SIRPD: variants seen among roughly 807,000 people sequenced by gnomAD.
The protein encoded by SIRPD is signal-regulatory protein delta.
A neutral mutation model predicts 18.0 loss-of-function variants in SIRPD; 21 were observed. That is an observed-to-expected ratio of 1.17 (90% CI 0.83 to 1.68). The LOEUF (loss-of-function observed/expected upper bound fraction) is 1.68, where lower values mean the gene tolerates loss of function less well. Ranked by LOEUF, SIRPD falls within the 40% of genes most tolerant of loss-of-function variation. The pLI, the probability that SIRPD is intolerant of heterozygous loss-of-function variation, is 0.00. For missense variants in SIRPD, 295 were observed against 238.4 expected (o/e 1.24, Z -1.56); for synonymous variants, 106 against 92.9 (o/e 1.14, Z -0.81).
intron 2 of SIRPD, 90 bp from the exon 3 acceptor site, chr20:1,537,400 G>A: frequency 7.2e-7 from 1 of 1,387,458 alleles, no homozygotes; most frequent in Non-Finnish European, 9.9e-7. Context: ...GACCGTTCCA[G>A]TTTCTAGATT....
intron 2 of SIRPD, among the ~76,000 whole-genome samples, chr20:1,538,005 A>G (rs6042846): frequency 1.2e-3 from 178 of 152,214 alleles, no homozygotes; most frequent in African/African-American, 4.1e-3. Flanking sequence ...TCTTGGGAGA[A>G]GGGAGTGGAG....
rs1600066978 is a variant in SIRPD at position 1,544,451 on chromosome 20, T to C, written c.422-7141A>G. 4.0e-5 allele frequency among the ~76,000 whole-genome samples: 6 copies of C among 151,878 alleles called. No individual in the cohort carries two copies. The Admixed American group carries it at 4.0e-4, about 10-fold the overall frequency. ...TTGCAACAACTGCTTTTTTTTTTTT[T>C]TTGCTTTCCATTTGCTTGGTAGATC... On this transcript the variant is annotated intron_variant, in intron 2 of 3. Transcript: ENST00000381623.
intron 2 of SIRPD, among the ~76,000 whole-genome samples, chr20:1,541,363 T>C (rs2090970403): frequency 6.6e-6 from 1 of 152,244 alleles, no homozygotes; most frequent in South Asian, 2.1e-4. Context: ...CACTGTGGCT[T>C]TGATTTGCAT....
chr20:1,535,578 C>T (rs971772177), intron 3 of SIRPD, among the ~76,000 whole-genome samples: 7 of 152,090 alleles, frequency 4.6e-5, no homozygotes, highest in African/African-American at 1.2e-4. Flanking sequence ...CCCTGTGCTG[C>T]CTCAGGACTC....
chr20:1,543,587 A>AT (rs2090981327), intron 2 of SIRPD, among the ~76,000 whole-genome samples: 1 of 151,646 alleles, frequency 6.6e-6, no homozygotes, highest in South Asian at 2.1e-4. Context: ...TGATTCACTG[A>AT]TTTTTTGAAG....
chr20:1,537,102 C>A, intron 3 of SIRPD, 53 bp downstream of exon 3: 1 of 1,583,754 alleles, frequency 6.3e-7, no homozygotes, highest in South Asian at 1.1e-5. Context: ...GTACCGCCGC[C>A]AAACTCAGGA....
chr20:1,551,683 A>G lies in SIRPD; in HGVS notation c.421+8T>C. Reference sequence around the variant, plus strand: ...CCAGGGGGTATGGGGTATAGGAGACATACTCACCAGTAACAAACACCTGAG... The same window carrying G: ...CCAGGGGGTATGGGGTATAGGAGACGTACTCACCAGTAACAAACACCTGAG... On this transcript the variant is annotated splice_region_variant and intron_variant, in intron 2 of 3. Coordinates refer to ENST00000381623, the MANE Select transcript of SIRPD (RefSeq NM_178460.3). 1.2e-6 allele frequency: 2 copies of G among 1,605,662 alleles called. No homozygotes were observed. The highest frequency in any genetic ancestry group is 1.7e-6 in the Non-Finnish European group (2 of 1,174,102).
chr20:1,537,841 G>C (rs887718307), intron 2 of SIRPD, among the ~76,000 whole-genome samples: 1 of 152,170 alleles, frequency 6.6e-6, no homozygotes, highest in African/African-American at 2.4e-5. Flanking sequence ...GAGGAGGATA[G>C]TTTCTGTTTT....
chr20:1,557,654 TGTG>T lies in SIRPD; in HGVS notation c.-4_-2del. 1 of 1,610,928 alleles carries T rather than the reference TGTG, an allele frequency of 6.2e-7. No homozygotes were observed. The highest frequency in any genetic ancestry group is 1.3e-5 in the African/African-American group (1 of 74,854). On this transcript the variant is annotated 5_prime_UTR_variant, in exon 1 of 4. Transcript: ENST00000381623. ...GGAGTGGGGAGGCAGGGATGGGCAT[TGTG>T]GTGAAACCTGGAGCTTGCTCTGCCT...
chr20:1,552,417 A>G (rs532155282), intron 1 of SIRPD, among the ~76,000 whole-genome samples: 1 of 152,148 alleles, frequency 6.6e-6, no homozygotes, highest in Non-Finnish European at 1.5e-5. Context: ...CTTCAACCCT[A>G]CATCTCCACT....
At chr20:1,537,919 A>G (rs145798398) in intron 2 of SIRPD, among the ~76,000 whole-genome samples, 73 of 152,270 alleles carry the variant, frequency 4.8e-4, no homozygotes, top group African/African-American at 1.5e-3. Context: ...CTCATACTGC[A>G]GGAACAGTGA....
chr20:1,549,207 T>C (rs1426375374), intron 2 of SIRPD, among the ~76,000 whole-genome samples: 5 of 152,218 alleles, frequency 3.3e-5, no homozygotes, highest in African/African-American at 1.2e-4. Context: ...TTTCTGTTTA[T>C]TGATATCTTC....
chr20:1,552,968 G>A (rs1281116375), intron 1 of SIRPD, among the ~76,000 whole-genome samples: 1 of 152,182 alleles, frequency 6.6e-6, no homozygotes, highest in African/African-American at 2.4e-5. Flanking sequence ...AGAACTGAGG[G>A]ACACCTAATA....
Position 1,537,209 on chromosome 20 carries a change from T to C in SIRPD, c.523A>G (p.Ser175Gly). 6 of 1,614,144 alleles carry C rather than the reference T, an allele frequency of 3.7e-6. No homozygotes were observed. The highest frequency in any genetic ancestry group is 5.1e-6 in the Non-Finnish European group (6 of 1,180,014). Residue 175 changes from serine to glycine, a missense_variant, in exon 3 of 4, where the codon AGC (serine) becomes GGC (glycine). By Grantham distance (56) the Ser-to-Gly change is moderately conservative (BLOSUM62 0). Coordinates refer to ENST00000381623, the MANE Select transcript of SIRPD (RefSeq NM_178460.3). ...TCLSALPERNSTNYFVQPCCC... is the reference protein window; with the variant it reads ...TCLSALPERNGTNYFVQPCCC... ...CAGGGTTGGACGAAATAGTTTGTGC[T>C]GTTTCTCTCAGGCAGGGCCGAGAGG... is the stretch of plus-strand genomic sequence containing the variant.
At chr20:1,541,870 T>C (rs1025709686) in intron 2 of SIRPD, among the ~76,000 whole-genome samples, 5 of 152,234 alleles carry the variant, frequency 3.3e-5, no homozygotes, top group Non-Finnish European at 4.4e-5. Context: ...TAGCCAGTTT[T>C]CCCAACACCA....
At chr20:1,557,338 C>T (rs1488186256) in intron 1 of SIRPD, among the ~76,000 whole-genome samples, 1 of 152,092 alleles carries the variant, frequency 6.6e-6, no homozygotes, top group Non-Finnish European at 1.5e-5. Context: ...GATGCTGTGC[C>T]CCGCCCTGTG....
chr20:1,552,094 T>G, intron 1 of SIRPD, 56 bp from the exon 2 acceptor site: 1 of 1,454,032 alleles, frequency 6.9e-7, no homozygotes, highest in Non-Finnish European at 9.5e-7. Context: ...TAAGCATGGG[T>G]ACGGGTCACG....
chr20:1,551,787 G>A lies in SIRPD; in HGVS notation c.325C>T (p.Leu109Phe). 6.2e-7 allele frequency: 1 copy of A among 1,614,106 alleles called. No individual in the cohort carries two copies. Among genetic ancestry groups the A allele is most frequent in the Non-Finnish European group, 8.5e-7 (1 of 1,179,972 alleles). Residue 109 changes from leucine to phenylalanine, a missense_variant, in exon 2 of 4, where the codon CTT (leucine) becomes TTT (phenylalanine). By Grantham distance (22) the Leu-to-Phe change is conservative. Coordinates refer to ENST00000381623, the MANE Select transcript of SIRPD (RefSeq NM_178460.3). ...CAGTAATAGGTGCCAGCATCAGCAA[G>A]AGAGATTTCACGGATGCGGGTGGAA... is the stretch of plus-strand genomic sequence containing the variant. Reference protein sequence around the residue: ...DFSTRIREISLADAGTYYCVK... With the variant: ...DFSTRIREISFADAGTYYCVK...
At chr20:1,535,353 G>T (rs1397556041) in intron 3 of SIRPD, among the ~76,000 whole-genome samples, 2 of 152,078 alleles carry the variant, frequency 1.3e-5, no homozygotes, top group African/African-American at 4.8e-5. Flanking sequence ...TTAAATATTT[G>T]TCCCCTCCAA....
Sources: gnomAD v4.1 joint callset for allele counts (sites outside exome capture counted in the v4.1 genomes callset) on GRCh38, gnomAD v4.1.1 for gene constraint, MANE v1.5 for transcripts, NCBI Gene and HGNC (gene_info 2026-07-23, HGNC 2026-07-21) for gene names.